WDR53: variants seen among roughly 807,000 people sequenced by gnomAD.
WDR53 encodes the protein WD repeat domain 53.
Under a neutral mutation model 21.3 loss-of-function variants are expected in WDR53, and 19 were observed. The observed-to-expected ratio is 0.89, with a 90% CI of 0.62 to 1.31. The LOEUF is 1.31. Among genes scored for constraint, WDR53 ranks in the 50% most tolerant of loss-of-function variants. WDR53 has a pLI of 0.00. For synonymous variants in WDR53, 157 were observed against 163.4 expected (o/e 0.96, Z 0.30); for missense variants, 374 against 423.2 (o/e 0.88, Z 1.02).
At chr3:196,560,287 G>A (rs1333579505) in intron 3 of WDR53, among the ~76,000 whole-genome samples, 1 of 148,818 alleles carries the variant, frequency 6.7e-6, no homozygotes, top group Non-Finnish European at 1.5e-5. Flanking sequence ...CTGTTGCCTA[G>A]GCAGGAGTGC....
At chr3:196,560,280 TTGC>T (rs1270696177) in intron 3 of WDR53, among the ~76,000 whole-genome samples, 14 of 151,370 alleles carry the variant, frequency 9.2e-5, no homozygotes, top group Non-Finnish European at 1.5e-5. Flanking sequence ...TCTCACTCTG[TTGC>T]CTAGGCAGGA....
At chr3:196,560,240 CTTTT>C (rs896228457) in intron 3 of WDR53, among the ~76,000 whole-genome samples, 8 of 121,472 alleles carry the variant, frequency 6.6e-5, no homozygotes, top group Non-Finnish European at 9.0e-5. Flanking sequence ...ATGCTCCTTT[CTTTT>C]TTCTTTTTTT....
chr3:196,565,001 T>C (rs1006686566), intron 2 of WDR53, among the ~76,000 whole-genome samples: 2 of 152,178 alleles, frequency 1.3e-5, no homozygotes, highest in African/African-American at 2.4e-5. Flanking sequence ...GTTCATTCAG[T>C]TAAGTTTTGC....
At chr3:196,566,136 C>G (rs922843291) in intron 2 of WDR53, among the ~76,000 whole-genome samples, 1 of 152,016 alleles carries the variant, frequency 6.6e-6, no homozygotes, top group Non-Finnish European at 1.5e-5. Context: ...GTTACCCATA[C>G]TGGAGTGTAG....
chr3:196,561,550 A>G, intron 2 of WDR53, 59 bp from the exon 3 acceptor site: 1 of 1,464,876 alleles, frequency 6.8e-7, no homozygotes, highest in Non-Finnish European at 9.1e-7. Context: ...TGATGGGAGG[A>G]GACAGATGTA....
intron 3 of WDR53, among the ~76,000 whole-genome samples, chr3:196,559,369 C>A (rs1300420903): frequency 6.6e-6 from 1 of 152,100 alleles, no homozygotes; most frequent in Non-Finnish European, 1.5e-5. Context: ...GAGTCTCAAC[C>A]CAGGCACTAC....
In WDR53 at chr3:196,561,174, G is replaced by T. The variant is rs1040110146; in HGVS notation, c.302C>A (p.Ser101Ter). The change falls in exon 3 of 4, where the codon TCA becomes TAA. Residue 101 changes from serine to a stop codon, truncating the protein, a stop_gained. Coordinates refer to ENST00000332629, the MANE Select transcript of WDR53 (RefSeq NM_182627.3). LOFTEE classifies it high-confidence loss of function. Reference sequence around the variant, plus strand: ...CAGCAGGTTTTCCGTTTGATTCAATGAAAGACAATTGATTTCTTCTTCATT... The same window carrying T: ...CAGCAGGTTTTCCGTTTGATTCAATTAAAGACAATTGATTTCTTCTTCATT... ...HVNEEEINCLSLNQTENLLAS... is the reference protein window; with the variant it reads ...HVNEEEINCL The T allele has an allele frequency of 1.9e-6, 3 of 1,614,104 alleles. No homozygotes were observed. The Admixed American group carries it at 5.0e-5, about 27-fold the overall frequency.
At chr3:196,561,605 A>T (rs1175672816) in intron 2 of WDR53, 114 bp from the exon 3 acceptor site, 1 of 1,126,638 alleles carries the variant, frequency 8.9e-7, no homozygotes, top group Admixed American at 3.5e-5. Flanking sequence ...AATACATCTT[A>T]AAAAAACTCA....
At chr3:196,562,217 T>C (rs568082020) in intron 2 of WDR53, among the ~76,000 whole-genome samples, 3 of 152,284 alleles carry the variant, frequency 2.0e-5, no homozygotes, top group African/African-American at 7.2e-5. Flanking sequence ...ATCTACTGAA[T>C]CTGAAAATGG....
chr3:196,559,457 T>G (rs1414368836), intron 3 of WDR53, among the ~76,000 whole-genome samples: 1 of 152,150 alleles, frequency 6.6e-6, no homozygotes, highest in African/African-American at 2.4e-5. Flanking sequence ...TTCTGCCTAC[T>G]GAATACTGGT....
chr3:196,555,159 A>G (rs958154081), intron 3 of WDR53, among the ~76,000 whole-genome samples: 1 of 152,204 alleles, frequency 6.6e-6, no homozygotes, highest in Non-Finnish European at 1.5e-5. Flanking sequence ...GTTTTAGTCT[A>G]TGCTGGTTAT....
At chr3:196,559,967 C>G (rs558133887) in intron 3 of WDR53, among the ~76,000 whole-genome samples, 14 of 152,276 alleles carry the variant, frequency 9.2e-5, no homozygotes, top group Non-Finnish European at 1.6e-4. Context: ...GCTCAACAGA[C>G]AGAAATCATG....
At chr3:196,563,340 T>C (rs2108702086) in intron 2 of WDR53, among the ~76,000 whole-genome samples, 1 of 152,160 alleles carries the variant, frequency 6.6e-6, no homozygotes, top group East Asian at 1.9e-4. Context: ...AAAAAGGAAA[T>C]CAGGGCAATT....
In WDR53 at chr3:196,561,501, G is replaced by C; in HGVS notation, c.-16-10C>G. On this transcript the variant is annotated splice_polypyrimidine_tract_variant and intron_variant, in intron 2 of 3. Transcript: ENST00000332629. ...AATGGTCCCGGAGACTCTGTGAAGTGGGGGAAACAACTGTAATCTCATGTT... is the reference window on the plus strand; with the variant it reads ...AATGGTCCCGGAGACTCTGTGAAGTCGGGGAAACAACTGTAATCTCATGTT... 1 of 1,584,494 alleles carries C rather than the reference G, an allele frequency of 6.3e-7. No individual in the cohort carries two copies. Among genetic ancestry groups the C allele is most frequent in the Non-Finnish European group, 8.6e-7 (1 of 1,165,842 alleles).
intron 2 of WDR53, among the ~76,000 whole-genome samples, chr3:196,564,169 T>C (rs1735147671): frequency 6.6e-6 from 1 of 152,090 alleles, no homozygotes. Flanking sequence ...TGCTGACAAG[T>C]ACTGAAACAG....
chr3:196,558,794 TAG>T (rs1246257593), intron 3 of WDR53, among the ~76,000 whole-genome samples: 2 of 152,262 alleles, frequency 1.3e-5, no homozygotes, highest in African/African-American at 2.4e-5. Flanking sequence ...GAAATAATTA[TAG>T]AGTTTCAACT....
At chr3:196,557,575 G>A (rs1250561461) in intron 3 of WDR53, among the ~76,000 whole-genome samples, 1 of 151,968 alleles carries the variant, frequency 6.6e-6, no homozygotes, top group African/African-American at 2.4e-5. Flanking sequence ...CTACCATCCT[G>A]GTCTGTAAGT....
At chr3:196,566,276 G>C (rs1044388770) in intron 2 of WDR53, among the ~76,000 whole-genome samples, 1 of 151,850 alleles carries the variant, frequency 6.6e-6, no homozygotes, top group South Asian at 2.1e-4. Flanking sequence ...TTTTTGTAGA[G>C]ACAGGATTTC....
At chr3:196,566,015 T>G (rs1735355474) in intron 2 of WDR53, among the ~76,000 whole-genome samples, 1 of 152,220 alleles carries the variant, frequency 6.6e-6, no homozygotes, top group African/African-American at 2.4e-5. Context: ...GTAAATTACT[T>G]TAATTAGATA....
Sources: gnomAD v4.1 joint callset for allele counts (sites outside exome capture counted in the v4.1 genomes callset) on GRCh38, gnomAD v4.1.1 for gene constraint, MANE v1.5 for transcripts, NCBI Gene and HGNC (gene_info 2026-07-23, HGNC 2026-07-21) for gene names.